Variants in ZNF438 observed in about 807,000 individuals in gnomAD.
The protein encoded by ZNF438 is zinc finger protein 438.
In ZNF438, 25 loss-of-function variants were observed where a neutral mutation model predicts 38.0. That is an observed-to-expected ratio of 0.66 (90% CI 0.48 to 0.92). The LOEUF is 0.92. Ranked by LOEUF, ZNF438 falls within the 40% of genes least tolerant of loss-of-function variation. ZNF438 has a pLI of 0.00. For synonymous variants in ZNF438, 372 were observed against 364.1 expected (o/e 1.02, Z -0.25); for missense variants, 1,007 against 999.6 (o/e 1.01, Z -0.10).
intron 3 of ZNF438, among the ~76,000 whole-genome samples, chr10:30,879,910 A>C (rs1027709230): frequency 6.6e-6 from 1 of 152,194 alleles, no homozygotes; most frequent in Non-Finnish European, 1.5e-5. Context: ...TATTTTAAGA[A>C]AGAATGGCAG....
intron 4 of ZNF438, 92 bp from the exon 6 acceptor site, chr10:30,850,459 AAC>A (rs2033389256): frequency 7.0e-7 from 1 of 1,419,996 alleles, no homozygotes; most frequent in Non-Finnish European, 9.4e-7. Context: ...CTCTGCCCAG[AAC>A]AGATTCCTTG....
In ZNF438 at chr10:30,950,462, T is replaced by A. The variant is rs1418314030; in HGVS notation, c.-191-8811A>T. Among the ~76,000 whole-genome samples the A allele has an allele frequency of 4.0e-5, 6 of 150,308 alleles. No individual in the cohort carries two copies. The South Asian group carries it at 1.3e-3, about 32-fold the overall frequency. On this transcript the variant is annotated intron_variant, in intron 1 of 5. Transcript: ENST00000413025. ...TCAAAAAATTAATGAATCCAGGAGC[T>A]GGTTTTTTGAAAGGATCAACAAAAT...
intron 1 of ZNF438, among the ~76,000 whole-genome samples, chr10:30,955,117 T>C (rs1473904866): frequency 6.6e-6 from 1 of 152,212 alleles, no homozygotes; most frequent in Non-Finnish European, 1.5e-5. Flanking sequence ...TAGTTGTCTC[T>C]TCAGCTACAC....
intron 3 of ZNF438, among the ~76,000 whole-genome samples, chr10:30,879,631 A>G (rs2038938023): frequency 6.6e-6 from 1 of 152,238 alleles, no homozygotes; most frequent in African/African-American, 2.4e-5. Flanking sequence ...ACATGAAAAA[A>G]TTCAAATAAA....
Position 30,894,725 on chromosome 10 carries a change from G to GA in ZNF438, c.-32+14207dup, listed in dbSNP as rs757061177. 1.8e-4 allele frequency among the ~76,000 whole-genome samples: 27 copies of GA among 152,006 alleles called. No homozygotes were observed. The East Asian group carries it at 3.5e-3, about 20-fold the overall frequency. ...TATACAAGGAGAAAGAGCATTTGAAGAAAAAAAATCACTTAAATTCCAGTT... is the reference window on the plus strand; with the variant it reads ...TATACAAGGAGAAAGAGCATTTGAAGAAAAAAAAATCACTTAAATTCCAGTT... On this transcript the variant is annotated intron_variant, in intron 3 of 5. Transcript: ENST00000413025.
chr10:30,881,229 G>T (rs1020060214), intron 3 of ZNF438, among the ~76,000 whole-genome samples: 1 of 152,118 alleles, frequency 6.6e-6, no homozygotes, highest in Non-Finnish European at 1.5e-5. Flanking sequence ...TGTCTAATTA[G>T]AAAATTCAAT....
intron 1 of ZNF438, among the ~76,000 whole-genome samples, chr10:30,972,997 G>A (rs1228108345): frequency 6.6e-6 from 1 of 152,104 alleles, no homozygotes; most frequent in African/African-American, 2.4e-5. Context: ...GCTGAATACA[G>A]AAAGCACATG....
exon 5 of ZNF438, chr10:30,849,488 T>C (rs1360572656): frequency 6.2e-7 from 1 of 1,614,250 alleles, no homozygotes. Flanking sequence ...TTTGATTTTG[T>C]AAACCTCCAT....
At chr10:31,000,165 T>C (rs2054500580) in intron 1 of ZNF438, among the ~76,000 whole-genome samples, 1 of 152,180 alleles carries the variant, frequency 6.6e-6, no homozygotes, top group African/African-American at 2.4e-5. Context: ...TACCTGAATG[T>C]CCCACAAAAA....
intron 2 of ZNF438, among the ~76,000 whole-genome samples, chr10:30,921,691 A>C (rs2044312284): frequency 6.6e-6 from 1 of 151,816 alleles, no homozygotes; most frequent in South Asian, 2.1e-4. Context: ...GATTATGCGT[A>C]TGATGGATCT....
At chr10:30,850,055 A>G in exon 5 of ZNF438, 1 of 1,614,168 alleles carries the variant, frequency 6.2e-7, no homozygotes, top group Non-Finnish European at 8.5e-7. Context: ...AGGAAGTTTC[A>G]GGTTTTCAGG....
At chr10:30,922,163 A>G (rs1006093608) in intron 2 of ZNF438, among the ~76,000 whole-genome samples, 6 of 152,004 alleles carry the variant, frequency 3.9e-5, no homozygotes. Flanking sequence ...CCTCTTCTAT[A>G]CTCTTATTAG....
rs577182258 is a variant in ZNF438, at chr10:30,954,174, T to C, written c.-191-12523A>G. On this transcript the variant is annotated intron_variant, in intron 1 of 5. Transcript: ENST00000413025. Reference sequence around the variant, plus strand: ...GACAAAATATACCCCCATAAAGTGGTAAATTTGGCTAAGAAGATTTCTAGG... The same window carrying C: ...GACAAAATATACCCCCATAAAGTGGCAAATTTGGCTAAGAAGATTTCTAGG... 2.5e-3 allele frequency among the ~76,000 whole-genome samples: 373 copies of C among 152,158 alleles called. 2 individuals are homozygous for C. The highest frequency in any genetic ancestry group is 3.5e-3 in the Non-Finnish European group (238 of 67,980).
At chr10:30,978,516 G>A (rs1362089125) in intron 1 of ZNF438, among the ~76,000 whole-genome samples, 1 of 151,864 alleles carries the variant, frequency 6.6e-6, no homozygotes, top group Non-Finnish European at 1.5e-5. Context: ...CTTTTCAGTG[G>A]GTTTGGACAA....
intron 3 of ZNF438, among the ~76,000 whole-genome samples, chr10:30,907,450 T>TG (rs1264817988): frequency 2.6e-5 from 4 of 152,240 alleles, no homozygotes; most frequent in Non-Finnish European, 5.9e-5. Context: ...TTAATTCTTT[T>TG]CTAAATTTTT....
At chr10:30,986,946 G>A (rs2052875342) in intron 1 of ZNF438, among the ~76,000 whole-genome samples, 1 of 152,124 alleles carries the variant, frequency 6.6e-6, no homozygotes, top group Non-Finnish European at 1.5e-5. Context: ...CAGCATCATA[G>A]AAAGAACAAT....
exon 5 of ZNF438, chr10:30,850,043 A>C (rs1212232559): frequency 6.2e-7 from 1 of 1,614,162 alleles, no homozygotes; most frequent in Non-Finnish European, 8.5e-7. Context: ...ATATCTAGGA[A>C]TAGGAAGTTT....
exon 6 of ZNF438, chr10:30,844,931 C>T (rs766918668): frequency 4.1e-5 from 65 of 1,596,426 alleles, no homozygotes; most frequent in Non-Finnish European, 5.5e-5. Context: ...CGGCAGAGCT[C>T]TCTCCTTAAC....
chr10:30,904,809 C>T (rs1000716544), intron 3 of ZNF438, among the ~76,000 whole-genome samples: 4 of 152,122 alleles, frequency 2.6e-5, no homozygotes, highest in Non-Finnish European at 5.9e-5. Flanking sequence ...GCCCTTTTTG[C>T]CTAGATAACT....
Sources: gnomAD v4.1 joint callset for allele counts (sites outside exome capture counted in the v4.1 genomes callset) on GRCh38, gnomAD v4.1.1 for gene constraint, MANE v1.5 for transcripts, NCBI Gene and HGNC (gene_info 2026-07-23, HGNC 2026-07-21) for gene names.